The following SNX1 variants were observed in gnomAD, a reference collection of about 807,000 sequenced individuals.
SNX1 encodes the protein sorting nexin 1, also known as sorting nexin-1.
SNX1 carries 36 observed loss-of-function variants against 71.8 expected under a neutral mutation model. The ratio of observed to expected loss-of-function variants is 0.50; its 90% CI spans 0.38 to 0.66. The LOEUF (loss-of-function observed/expected upper bound fraction) is 0.66, where lower values mean the gene tolerates loss of function less well. SNX1 is among the 30% of genes least tolerant of loss of function. The pLI is 0.00. For missense variants in SNX1, 612 were observed against 646.7 expected (o/e 0.95, Z 0.58); for synonymous variants, 254 against 240.7 (o/e 1.06, Z -0.51).
Position 64,118,170 on chromosome 15 carries a change from C to T in SNX1, c.325C>T (p.Leu109=). Residue 109 remains leucine, a synonymous_variant, in exon 3 of 15, where the codon CTA becomes TTA. Coordinates refer to ENST00000559844, the MANE Select transcript of SNX1 (RefSeq NM_003099.5). ...DSTQNNQKKV[L]AKTLISLPPQ... ...CACACAAAATAATCAGAAGAAGGTGCTAGCCAAAACACTCATTTCTCTTCC... is the reference window on the plus strand; with the variant it reads ...CACACAAAATAATCAGAAGAAGGTGTTAGCCAAAACACTCATTTCTCTTCC... The T allele has an allele frequency of 6.2e-7, 1 of 1,613,204 alleles. No individual in the cohort carries two copies. The highest frequency in any genetic ancestry group is 8.5e-7 in the Non-Finnish European group (1 of 1,179,744).
intron 1 of SNX1, 120 bp downstream of exon 1, chr15:64,096,292 A>G (rs1417077667): frequency 5.3e-5 from 65 of 1,225,502 alleles, no homozygotes; most frequent in Non-Finnish European, 7.1e-5. Flanking sequence ...CGGTGTCAGC[A>G]GTCCGGGCCC....
chr15:64,131,768 C>T lies in SNX1; in HGVS notation c.1097C>T (p.Ala366Val). 6.2e-7 allele frequency: 1 copy of T among 1,614,218 alleles called. No homozygotes were observed. Among genetic ancestry groups the T allele is most frequent in the Admixed American group, 1.7e-5 (1 of 60,026 alleles). Residue 366 changes from alanine to valine, a missense_variant, in exon 11 of 15, where the codon GCA becomes GTA. By Grantham distance (64) the Ala-to-Val change is moderately conservative. Coordinates refer to ENST00000559844, the MANE Select transcript of SNX1 (RefSeq NM_003099.5). Reference protein sequence around the residue: ...SSEDNTALSRALSQLAEVEEK... With the variant: ...SSEDNTALSRVLSQLAEVEEK... The stretch of plus-strand genomic sequence containing the variant: ...GAGGACAACACGGCATTGTCACGGG[C>T]ACTCTCCCAGCTGGCTGAGGTGGAA...
At chr15:64,133,584 T>C (rs551998162) in intron 11 of SNX1, among the ~76,000 whole-genome samples, 25 of 152,104 alleles carry the variant, frequency 1.6e-4, no homozygotes, top group Non-Finnish European at 3.2e-4. Context: ...ACAAAAATTA[T>C]CTGGGCGTGG....
intron 2 of SNX1, among the ~76,000 whole-genome samples, chr15:64,115,322 G>A (rs1192015561): frequency 6.6e-6 from 1 of 152,194 alleles, no homozygotes; most frequent in Non-Finnish European, 1.5e-5. Context: ...AGTCTACAAT[G>A]AGACACTTAG....
At chr15:64,110,845 A>G (rs954063329) in intron 1 of SNX1, among the ~76,000 whole-genome samples, 1 of 152,234 alleles carries the variant, frequency 6.6e-6, no homozygotes, top group Non-Finnish European at 1.5e-5. Flanking sequence ...AAATATTCTT[A>G]GTCATTAACC....
At chr15:64,123,760 G>A (rs1368581150) in intron 5 of SNX1, among the ~76,000 whole-genome samples, 2 of 152,126 alleles carry the variant, frequency 1.3e-5, no homozygotes, top group Non-Finnish European at 2.9e-5. Context: ...TAACATTTCA[G>A]TGTGATTCTA....
At chr15:64,118,893 G>A in intron 4 of SNX1, 39 bp downstream of exon 4, 2 of 1,533,190 alleles carry the variant, frequency 1.3e-6, no homozygotes, top group Non-Finnish European at 1.8e-6. Context: ...GTTAGGATGT[G>A]GCTGTGGAAA....
chr15:64,116,119 T>G (rs1449157061), intron 2 of SNX1, among the ~76,000 whole-genome samples: 1 of 152,232 alleles, frequency 6.6e-6, no homozygotes, highest in African/African-American at 2.4e-5. Flanking sequence ...ATGTCTTTTG[T>G]ATGTTACATG....
intron 1 of SNX1, chr15:64,111,453 A>T (rs2081077205): frequency 6.6e-6 from 1 of 152,182 alleles, no homozygotes; most frequent in Admixed American, 6.5e-5. Flanking sequence ...CTTCAAAAAA[A>T]TTTTTTAAGA....
Position 64,136,319 on chromosome 15 carries a change from T to A in SNX1, c.1366-11T>A. The stretch of plus-strand genomic sequence containing the variant: ...ATATGAGGTGATCCTTTCTTTCCTC[T>A]TTCTTCCCAGTGGGAGTCTCGGGTG... On this transcript the variant is annotated splice_polypyrimidine_tract_variant and intron_variant, in intron 12 of 14. Coordinates refer to ENST00000559844, the MANE Select transcript of SNX1 (RefSeq NM_003099.5). 2 of 1,609,846 alleles carry A rather than the reference T, an allele frequency of 1.2e-6. No homozygotes were observed. The highest frequency in any genetic ancestry group is 1.7e-6 in the Non-Finnish European group (2 of 1,176,088).
chr15:64,112,826 A>T, intron 2 of SNX1, 142 bp downstream of exon 2: 1 of 541,488 alleles, frequency 1.8e-6, no homozygotes, highest in South Asian at 3.0e-5. Context: ...TCCAAAGTAC[A>T]TGAAATACAG....
intron 5 of SNX1, among the ~76,000 whole-genome samples, chr15:64,124,308 C>T: frequency 6.6e-6 from 1 of 150,992 alleles, no homozygotes; most frequent in East Asian, 1.9e-4. Context: ...AGATCGAGAC[C>T]ATCCTGGCTA....
intron 2 of SNX1, among the ~76,000 whole-genome samples, chr15:64,114,459 G>A (rs940255265): frequency 2.6e-5 from 4 of 152,186 alleles, no homozygotes; most frequent in Non-Finnish European, 5.9e-5. Flanking sequence ...GAAGAAACTG[G>A]CTTTGGGAAA....
chr15:64,136,549 G>C, intron 13 of SNX1, 139 bp downstream of exon 13: 7 of 734,960 alleles, frequency 9.5e-6, no homozygotes, highest in Middle Eastern at 2.4e-4. Context: ...GCCTTCTTTG[G>C]GGGGGTGTGT....
intron 10 of SNX1, 200 bp from the exon 11 acceptor site, chr15:64,131,487 C>T (rs778889498): frequency 1.4e-4 from 78 of 573,864 alleles, no homozygotes; most frequent in Non-Finnish European, 2.0e-4. Context: ...GGTGCCTCTC[C>T]CTCCTGCTCC....
In SNX1 at chr15:64,102,016, A is replaced by G. The variant is rs115161676; in HGVS notation, c.159+5844A>G. ...ATCACTCAGAATCCCATAAACATGT[A>G]CAATTGTCAACTAAACATAAAAAGA... On this transcript the variant is annotated intron_variant, in intron 1 of 14. Coordinates refer to ENST00000559844, the MANE Select transcript of SNX1 (RefSeq NM_003099.5). 5.0e-3 allele frequency among the ~76,000 whole-genome samples: 765 copies of G among 152,322 alleles called. 8 individuals are homozygous for G. The highest frequency in any genetic ancestry group is 0.017 in the African/African-American group (717 of 41,580).
chr15:64,099,190 T>A (rs954396635), intron 1 of SNX1, among the ~76,000 whole-genome samples: 1 of 152,334 alleles, frequency 6.6e-6, no homozygotes, highest in South Asian at 2.1e-4. Flanking sequence ...GCTCTATGGC[T>A]GGCTAGCTTA....
Position 64,127,192 on chromosome 15 carries a change from T to A in SNX1, c.671T>A (p.Val224Asp). The A allele has an allele frequency of 6.2e-7, 1 of 1,613,650 alleles. No homozygotes were observed. The highest frequency in any genetic ancestry group is 8.5e-7 in the Non-Finnish European group (1 of 1,179,708). Residue 224 changes from valine (V) to aspartate (D), a missense_variant, in exon 7 of 15, where the codon GTT becomes GAT. Val to Asp is a radical substitution (Grantham distance 152). Around this residue, in one of 2 missense-constraint regions of SNX1, gnomAD observed 316 missense variants for 284.9 expected, o/e 1.11. Transcript: ENST00000559844. ...ATTCTAGGGATGACAAAAGTGAAAG[T>A]TGGGAAGGAAGATTCTTCTTCTGCA... ...KSLIGMTKVKVGKEDSSSAEF... is the reference protein window; with the variant it reads ...KSLIGMTKVKDGKEDSSSAEF...
chr15:64,106,905 A>G (rs2081028209), intron 1 of SNX1, among the ~76,000 whole-genome samples: 1 of 152,206 alleles, frequency 6.6e-6, no homozygotes, highest in African/African-American at 2.4e-5. Flanking sequence ...GATAATTTGC[A>G]TTGTTTAAAC....
Sources: gnomAD v4.1 joint callset for allele counts (sites outside exome capture counted in the v4.1 genomes callset) on GRCh38, gnomAD v4.1.1 for gene constraint, gnomAD v4.1.1 regional missense constraint, MANE v1.5 for transcripts, NCBI Gene and HGNC (gene_info 2026-07-23, HGNC 2026-07-21) for gene names.